DLG2: variants seen among roughly 807,000 people sequenced by gnomAD.
The protein encoded by DLG2 is discs large MAGUK scaffold protein 2.
A neutral mutation model predicts 132.5 loss-of-function variants in DLG2; 45 were observed. That is an observed-to-expected ratio of 0.34 (90% CI 0.27 to 0.44). DLG2 has a LOEUF of 0.44. Ranked by LOEUF, DLG2 falls within the 20% of genes least tolerant of loss-of-function variation. The pLI is 1.00. For synonymous variants in DLG2, 424 were observed against 419.6 expected (o/e 1.01, Z -0.13); for missense variants, 1,045 against 1,196.9 (o/e 0.87, Z 1.87).
intron 6 of DLG2, among the ~76,000 whole-genome samples, chr11:84,976,107 T>C (rs1049897675): frequency 1.3e-5 from 2 of 152,292 alleles, no homozygotes; most frequent in Admixed American, 6.5e-5. Flanking sequence ...TGTGGCTCTA[T>C]TATAAGAATG....
intron 21 of DLG2, among the ~76,000 whole-genome samples, chr11:83,501,181 A>C (rs868576778): frequency 1.4e-5 from 2 of 140,200 alleles, no homozygotes; most frequent in Non-Finnish European, 3.1e-5. Flanking sequence ...CTTGATTTCT[A>C]TTTTTTTCTG....
intron 5 of DLG2, among the ~76,000 whole-genome samples, chr11:85,115,202 G>T (rs1256658926): frequency 6.6e-6 from 1 of 151,664 alleles, no homozygotes; most frequent in Non-Finnish European, 1.5e-5. Context: ...TGGTACGTTA[G>T]GTATACATAT....
At chr11:83,707,810 T>C (rs1347270061) in intron 18 of DLG2, among the ~76,000 whole-genome samples, 1 of 152,202 alleles carries the variant, frequency 6.6e-6, no homozygotes, top group African/African-American at 2.4e-5. Context: ...CATCTTTATA[T>C]CCCAGCACCC....
At chr11:83,760,449 TCTCA>T (rs1054834367) in intron 18 of DLG2, among the ~76,000 whole-genome samples, 4 of 151,968 alleles carry the variant, frequency 2.6e-5, no homozygotes, top group African/African-American at 9.6e-5. Context: ...TCTTCTCTAA[TCTCA>T]CTATCTCCAT....
At chr11:85,125,519 C>T (rs1227520953) in intron 5 of DLG2, among the ~76,000 whole-genome samples, 1 of 151,962 alleles carries the variant, frequency 6.6e-6, no homozygotes, top group African/African-American at 2.4e-5. Flanking sequence ...AAGTGCATTG[C>T]TTTTATTTAA....
chr11:83,781,265 A>G (rs948359228), intron 18 of DLG2, among the ~76,000 whole-genome samples: 2 of 152,038 alleles, frequency 1.3e-5, no homozygotes, highest in Non-Finnish European at 2.9e-5. Context: ...TTCTTTCTTT[A>G]TACTACTTAT....
At chr11:85,462,097 T>C (rs2153058610) in intron 3 of DLG2, among the ~76,000 whole-genome samples, 1 of 152,310 alleles carries the variant, frequency 6.6e-6, no homozygotes, top group East Asian at 1.9e-4. Context: ...AAAACCACAA[T>C]GAGATATCAT....
chr11:84,858,962 T>C (rs978009836), intron 6 of DLG2, among the ~76,000 whole-genome samples: 1 of 152,012 alleles, frequency 6.6e-6, no homozygotes, highest in Admixed American at 6.6e-5. Flanking sequence ...CAGGCACTTA[T>C]TGTTTAGCTA....
intron 3 of DLG2, among the ~76,000 whole-genome samples, chr11:85,594,744 G>T (rs1446972826): frequency 6.6e-6 from 1 of 152,060 alleles, no homozygotes; most frequent in East Asian, 1.9e-4. Context: ...AAAATTAAAA[G>T]TCAATTTAGA....
rs547570908 is a variant in DLG2, at chr11:85,323,513, ATCT to A, written c.41-38151_41-38149del. 4.6e-5 allele frequency among the ~76,000 whole-genome samples: 7 copies of A among 152,350 alleles called. No individual in the cohort carries two copies. The South Asian group carries it at 1.4e-3, about 32-fold the overall frequency. ...TTTCTTTGTGTTGGGAACATTCCAA[ATCT>A]TCTCTTCAAGCTATTTTGAAATATA... On this transcript the variant is annotated intron_variant, in intron 3 of 27. Transcript: ENST00000376104.
intron 17 of DLG2, among the ~76,000 whole-genome samples, chr11:83,787,273 C>G (rs2040195897): frequency 6.7e-6 from 1 of 150,124 alleles, no homozygotes; most frequent in Non-Finnish European, 1.5e-5. Context: ...AATTGTCTAG[C>G]CTTGTCATCC....
chr11:85,017,930 A>AT (rs202185737), intron 6 of DLG2, among the ~76,000 whole-genome samples: 5,799 of 152,280 alleles, frequency 0.038, 170 homozygotes, highest in African/African-American at 0.067. Context: ...AAAGTGAAGA[A>AT]AAAACCACAT....
chr11:84,586,808 A>G (rs1007224317), intron 6 of DLG2, among the ~76,000 whole-genome samples: 1 of 152,236 alleles, frequency 6.6e-6, no homozygotes, highest in Admixed American at 6.5e-5. Flanking sequence ...TCATACATTC[A>G]TATCTTAATA....
At chr11:84,324,986 T>G (rs2098423430) in intron 7 of DLG2, among the ~76,000 whole-genome samples, 1 of 152,130 alleles carries the variant, frequency 6.6e-6, no homozygotes, top group South Asian at 2.1e-4. Flanking sequence ...TTTTACTTCT[T>G]CCTTTCCAAT....
chr11:84,654,228 T>A (rs539067658), intron 6 of DLG2, among the ~76,000 whole-genome samples: 22 of 152,304 alleles, frequency 1.4e-4, no homozygotes, highest in African/African-American at 5.3e-4. Flanking sequence ...TTTGTGACAC[T>A]CACCTCATCC....
chr11:85,277,809 C>T (rs2152747182), intron 4 of DLG2, among the ~76,000 whole-genome samples: 1 of 152,248 alleles, frequency 6.6e-6, no homozygotes, highest in East Asian at 1.9e-4. Flanking sequence ...GAGGGTAATA[C>T]ATAGTCTCCA....
intron 6 of DLG2, among the ~76,000 whole-genome samples, chr11:84,986,232 C>A (rs180729957): frequency 7.4e-4 from 113 of 152,102 alleles, no homozygotes; most frequent in African/African-American, 2.6e-3. Flanking sequence ...AAACATACAA[C>A]CTTCCTAGCT....
intron 6 of DLG2, among the ~76,000 whole-genome samples, chr11:84,940,212 A>T (rs1292276861): frequency 6.6e-6 from 1 of 152,188 alleles, no homozygotes; most frequent in East Asian, 1.9e-4. Context: ...ATGCAGTTGC[A>T]CAATCTCAGC....
At position 84,861,158 on chromosome 11, in the gene DLG2, G is replaced by A. The variant is rs148206952; in HGVS notation, c.357+250503C>T. 3.2e-3 allele frequency among the ~76,000 whole-genome samples: 487 copies of A among 152,232 alleles called. 2 individuals are homozygous for A. The highest frequency in any genetic ancestry group is 5.3e-3 in the Non-Finnish European group (363 of 68,020). The stretch of plus-strand genomic sequence containing the variant: ...GGACATACGCTTCTGTTGCTTGAGG[G>A]TCAGGGAACAATTTCCAGTGGTGGG... On this transcript the variant is annotated intron_variant, in intron 6 of 27. Coordinates refer to ENST00000376104, the MANE Select transcript of DLG2 (RefSeq NM_001142699.3).
Sources: gnomAD v4.1 joint callset for allele counts (sites outside exome capture counted in the v4.1 genomes callset) on GRCh38, gnomAD v4.1.1 for gene constraint, MANE v1.5 for transcripts, NCBI Gene and HGNC (gene_info 2026-07-23, HGNC 2026-07-21) for gene names.